The following RNF213 variants were observed in gnomAD, a reference collection of about 807,000 sequenced individuals.
RNF213 encodes the protein ring finger protein 213.
RNF213 carries 341 observed loss-of-function variants against 514.4 expected under a neutral mutation model. The observed-to-expected ratio is 0.66, with a 90% CI of 0.61 to 0.73. RNF213 has a LOEUF of 0.73. Among genes scored for constraint, RNF213 ranks in the 30% least tolerant of loss-of-function variants. RNF213 has a pLI of 0.00. For missense variants in RNF213, 5,767 were observed against 6,615.6 expected (o/e 0.87, Z 4.45); for synonymous variants, 2,655 against 2,658.2 (o/e 1.00, Z 0.04).
At chr17:80,362,242 A>G (rs888338616) in intron 39 of RNF213, among the ~76,000 whole-genome samples, 22 of 152,272 alleles carry the variant, frequency 1.4e-4, no homozygotes, top group African/African-American at 5.3e-4. Context: ...GAAATTCAAT[A>G]GAAAGTCATA....
intron 3 of RNF213, among the ~76,000 whole-genome samples, chr17:80,279,546 C>A (rs1164597552): frequency 1.3e-5 from 2 of 152,004 alleles, no homozygotes; most frequent in Admixed American, 6.6e-5. Context: ...TTCACTGCAA[C>A]CTCCGCGTGC....
At chr17:80,340,608 G>GTTTTTTTT in intron 26 of RNF213, 1 of 224,576 alleles carries the variant, frequency 4.5e-6, no homozygotes, top group Non-Finnish European at 8.1e-6. Context: ...TGTACTTTGT[G>GTTTTTTTT]GTTTTTTTTT....
chr17:80,339,741 T>C lies in RNF213; in HGVS notation c.5374T>C (p.Phe1792Leu). 6.5e-7 allele frequency: 1 copy of C among 1,537,160 alleles called. No homozygotes were observed. Residue 1792 changes from phenylalanine (F) to leucine (L), a missense_variant, in exon 26 of 68, where the codon TTC (phenylalanine) becomes CTC (leucine). This residue lies in a region of RNF213 where 1,377 missense variants were observed against 1,635.2 expected (regional missense o/e 0.84). Coordinates refer to ENST00000582970, the MANE Select transcript of RNF213 (RefSeq NM_001256071.3). ...MEQSMRCLPAFLPDCLDLETL... is the reference protein window; with the variant it reads ...MEQSMRCLPALLPDCLDLETL... ...GCAGTCCATGAGGTGCCTTCCTGCCTTCCTGCCCGACTGCCTCGACCTAGA... is the reference window on the plus strand; with the variant it reads ...GCAGTCCATGAGGTGCCTTCCTGCCCTCCTGCCCGACTGCCTCGACCTAGA...
chr17:80,355,433 G>C (rs7213818), intron 36 of RNF213: 1 of 112,330 alleles, frequency 8.9e-6, no homozygotes, highest in Non-Finnish European at 2.0e-5. Flanking sequence ...AAGCGGGGTG[G>C]ATGGGAATCG....
In RNF213 at chr17:80,388,623, T is replaced by G. The variant is rs1568173144; in HGVS notation, c.14934T>G (p.Thr4978=). The change falls in exon 64 of 68, where the codon ACT becomes ACG. Residue 4978 remains threonine, a synonymous_variant. Coordinates refer to ENST00000582970, the MANE Select transcript of RNF213 (RefSeq NM_001256071.3). ...CTTTCCCAATTTAGGGAATACCCAC[T>G]CTGGTGTACAGACACGACTGGAACT... ...KPRLSLKGIP[T]LVYRHDWNYE... is the part of the protein sequence containing the mutation. 8 of 1,610,684 alleles carry G rather than the reference T, an allele frequency of 5.0e-6. No homozygotes were observed. The highest frequency in any genetic ancestry group is 6.8e-6 in the Non-Finnish European group (8 of 1,177,222).
intron 8 of RNF213, chr17:80,292,152 T>TC (rs2044754559): frequency 2.5e-6 from 1 of 400,728 alleles, no homozygotes; most frequent in African/African-American, 2.1e-5. Flanking sequence ...TGGTGCGATC[T>TC]CGGCTCACTG....
In RNF213 at chr17:80,374,566, C is replaced by G. The variant is rs891029873; in HGVS notation, c.13051C>G (p.Leu4351Val). The G allele has an allele frequency of 2.5e-6, 4 of 1,614,220 alleles. No individual in the cohort carries two copies. Among genetic ancestry groups the G allele is most frequent in the Non-Finnish European group, 3.4e-6 (4 of 1,180,048 alleles). The stretch of plus-strand genomic sequence containing the variant: ...CAAAGCTGTCCTCGAGTGCAAGCCA[C>G]TGGGCATTAAGACTGCTCTGAAGGT... ...VAKAVLECKP[L>V]GIKTALKACK... The change falls in exon 50 of 68, where the codon CTG becomes GTG. Residue 4351 changes from leucine to valine, a missense_variant. Leu to Val is a conservative substitution (Grantham distance 32, BLOSUM62 1). Transcript: ENST00000582970.
chr17:80,302,369 G>A (rs551023712), intron 11 of RNF213, among the ~76,000 whole-genome samples: 2 of 152,076 alleles, frequency 1.3e-5, no homozygotes, highest in East Asian at 3.9e-4. Flanking sequence ...CATATATATT[G>A]TATCCATATA....
chr17:80,354,435 G>A lies in RNF213; in HGVS notation c.10727-6G>A, dbSNP rs375867481. The A allele has an allele frequency of 5.6e-6, 9 of 1,614,114 alleles. No homozygotes were observed. The highest frequency in any genetic ancestry group is 2.2e-5 in the East Asian group (1 of 44,894). On this transcript the variant is annotated splice_polypyrimidine_tract_variant and splice_region_variant and intron_variant, in intron 35 of 67. Coordinates refer to ENST00000582970, the MANE Select transcript of RNF213 (RefSeq NM_001256071.3). The stretch of plus-strand genomic sequence containing the variant: ...ATGCTGAACGTCTGTTTCTGCCTTT[G>A]TACAGCCTCTTTCTTGCGGGTATCC...
chr17:80,364,459 C>G lies in RNF213; in HGVS notation c.11777C>G (p.Thr3926Ser), dbSNP rs373161624. ...VRAQWSRIFSTALFVEHVLLG... is the reference protein window; with the variant it reads ...VRAQWSRIFSSALFVEHVLLG... Reference sequence around the variant, plus strand: ...GCCCAGTGGAGTCGGATTTTCTCCACCGCACTCTTCGTGGAGCACGTGCTC... The same window carrying G: ...GCCCAGTGGAGTCGGATTTTCTCCAGCGCACTCTTCGTGGAGCACGTGCTC... Residue 3926 changes from threonine to serine, a missense_variant, in exon 42 of 68, where the codon ACC becomes AGC. Around this residue, in one of 13 missense-constraint regions of RNF213, gnomAD observed 355 missense variants for 358.0 expected, o/e 0.99. Transcript: ENST00000582970. 1.9e-6 allele frequency: 3 copies of G among 1,614,192 alleles called. No homozygotes were observed. In the Admixed American group the frequency reaches 5.0e-5, roughly 27 times the overall value.
rs1366930219 is a variant in RNF213, at chr17:80,343,865, T to A, written c.6192T>A (p.Thr2064=). 6.2e-7 allele frequency: 1 copy of A among 1,614,100 alleles called. No homozygotes were observed. Among genetic ancestry groups the A allele is most frequent in the Non-Finnish European group, 8.5e-7 (1 of 1,180,044 alleles). ...FHLDVTSSVQ[T]GIWVFLFKLL... The stretch of plus-strand genomic sequence containing the variant: ...TGCGATTCTGTTCTTAGGTGCAGAC[T>A]GGAATTTGGGTGTTTCTTTTCAAGC... Residue 2064 remains threonine (T), a synonymous_variant, in exon 28 of 68, where the codon ACT becomes ACA. Coordinates refer to ENST00000582970, the MANE Select transcript of RNF213 (RefSeq NM_001256071.3). This position sits in a 1 kb window ranked among gnomAD's most constrained non-coding sequence, Gnocchi z 4.3.
rs1179033987 is a variant in RNF213, at chr17:80,288,091, G to C, written c.538G>C (p.Gly180Arg). Reference protein sequence around the residue: ...GDSPLQAQALGEAGVATGSEA... With the variant: ...GDSPLQAQALREAGVATGSEA... ...CAGCCCCCTGCAGGCCCAGGCTTTG[G>C]GAGAGGCAGGAGTGGCCACAGGAAG... is the stretch of plus-strand genomic sequence containing the variant. Residue 180 changes from glycine to arginine, a missense_variant, in exon 4 of 68, where the codon GGA becomes CGA. Gly to Arg is a moderately radical substitution (Grantham distance 125). Coordinates refer to ENST00000582970, the MANE Select transcript of RNF213 (RefSeq NM_001256071.3). The surrounding 1 kb of genome is among the most constrained non-coding windows in gnomAD (Gnocchi z 4.9). The C allele has an allele frequency of 2.5e-6, 4 of 1,607,168 alleles. No individual in the cohort carries two copies. Among genetic ancestry groups the C allele is most frequent in the Non-Finnish European group, 3.4e-6 (4 of 1,175,976 alleles).
intron 17 of RNF213, among the ~76,000 whole-genome samples, chr17:80,321,784 C>T (rs1446076039): frequency 6.6e-6 from 1 of 152,122 alleles, no homozygotes; most frequent in Non-Finnish European, 1.5e-5. Context: ...AGTGCAGTGG[C>T]GTGATCTTGG....
chr17:80,297,500 TCC>T (rs1460664521), intron 10 of RNF213, among the ~76,000 whole-genome samples: 1 of 150,198 alleles, frequency 6.7e-6, no homozygotes, highest in Non-Finnish European at 1.5e-5. Context: ...ACACCTGTAA[TCC>T]CAGTGCTTTG....
chr17:80,289,841 G>C lies in RNF213; in HGVS notation c.1112+4G>C, dbSNP rs943208985. On this transcript the variant is annotated splice_donor_region_variant and intron_variant, in intron 6 of 67. Transcript: ENST00000582970. ...ATGTCCAGGAAGTGAAGGCAAGGTA[G>C]GGATGCCCCCGCAGGGGAGCAAAGG... is the stretch of plus-strand genomic sequence containing the variant. 21 of 1,606,612 alleles carry C rather than the reference G, an allele frequency of 1.3e-5. No homozygotes were observed. Among genetic ancestry groups the C allele is most frequent in the Non-Finnish European group, 1.8e-5 (21 of 1,176,986 alleles).
At position 80,386,675 on chromosome 17, in the gene RNF213, C is replaced by T; in HGVS notation, c.14721-15C>T. 6.2e-7 allele frequency: 1 copy of T among 1,613,926 alleles called. No homozygotes were observed. The highest frequency in any genetic ancestry group is 1.7e-5 in the Admixed American group (1 of 60,038). On this transcript the variant is annotated splice_polypyrimidine_tract_variant and intron_variant, in intron 62 of 67. Transcript: ENST00000582970. ...GCCTGGCCTGGACGCTGAGCGCTGT[C>T]TTTCTGCCCCTCAGCTATTCCGTGG...
intron 14 of RNF213, among the ~76,000 whole-genome samples, chr17:80,310,387 G>A (rs1270333591): frequency 1.3e-5 from 2 of 151,876 alleles, no homozygotes; most frequent in Non-Finnish European, 2.9e-5. Context: ...CAAGTGGCTG[G>A]GACTACAGGT....
intron 11 of RNF213, among the ~76,000 whole-genome samples, chr17:80,303,490 G>T (rs2045249599): frequency 6.6e-6 from 1 of 152,030 alleles, no homozygotes; most frequent in African/African-American, 2.4e-5. Flanking sequence ...GCTAAAGGCA[G>T]TGTTACGGTC....
chr17:80,330,229 T>C (rs1215124935), intron 20 of RNF213, among the ~76,000 whole-genome samples: 1 of 152,270 alleles, frequency 6.6e-6, no homozygotes, highest in Admixed American at 6.5e-5. Flanking sequence ...TTGGAGGTTT[T>C]GCTTTTCCTG....
Sources: gnomAD v4.1 joint callset for allele counts (sites outside exome capture counted in the v4.1 genomes callset) on GRCh38, gnomAD v4.1.1 for gene constraint, gnomAD v4.1.1 regional missense constraint, Gnocchi (gnomAD v3.1) non-coding constraint, MANE v1.5 for transcripts, NCBI Gene and HGNC (gene_info 2026-07-23, HGNC 2026-07-21) for gene names.